Variants in FOXP2 observed in about 807,000 individuals in gnomAD.
FOXP2 encodes forkhead box P2.
Under a neutral mutation model 115.8 loss-of-function variants are expected in FOXP2, and 12 were observed. The observed-to-expected ratio is 0.10, with a 90% CI of 0.07 to 0.17. FOXP2 has a LOEUF of 0.17. Ranked by LOEUF, FOXP2 falls within the 10% of genes least tolerant of loss-of-function variation. The probability of loss-of-function intolerance (pLI) is 1.00; values close to 1 mark genes in which losing one functional copy is unlikely to be tolerated. For synonymous variants in FOXP2, 328 were observed against 297.7 expected (o/e 1.10, Z -1.05); for missense variants, 629 against 843.5 (o/e 0.75, Z 3.15).
chr7:114,609,764 C>T (rs1348868855), intron 3 of FOXP2, among the ~76,000 whole-genome samples: 1 of 152,178 alleles, frequency 6.6e-6, no homozygotes, highest in Non-Finnish European at 1.5e-5. Context: ...TTAAGTTCAC[C>T]TTCACTAAAT....
At chr7:114,328,691 T>A (rs763232109) in intron 2 of FOXP2, among the ~76,000 whole-genome samples, 16 of 152,388 alleles carry the variant, frequency 1.0e-4, no homozygotes, top group Non-Finnish European at 2.1e-4. Context: ...TAAGGGTCTC[T>A]AATCATGTCT....
In FOXP2 at chr7:114,455,676, T is replaced by C. The variant is rs552508785; in HGVS notation, c.168+28997T>C. 5.3e-5 allele frequency among the ~76,000 whole-genome samples: 8 copies of C among 152,302 alleles called. No individual in the cohort carries two copies. In the South Asian group the frequency reaches 1.7e-3, roughly 32 times the overall value. The stretch of plus-strand genomic sequence containing the variant: ...AGTCTTATAGTTAACTGTCTCCTTG[T>C]CCTTACTTTTAATACCAGCCTACTT... On this transcript the variant is annotated intron_variant, in intron 2 of 16. Coordinates refer to ENST00000350908, the MANE Select transcript of FOXP2 (RefSeq NM_014491.4).
Position 114,539,169 on chromosome 7 carries a change from G to A in FOXP2, c.258+4463G>A, listed in dbSNP as rs148971116. Among the ~76,000 whole-genome samples, 35 of 151,854 alleles carry A rather than the reference G, an allele frequency of 2.3e-4. No homozygotes were observed. The East Asian group carries it at 6.2e-3, about 27-fold the overall frequency. On this transcript the variant is annotated intron_variant, in intron 3 of 16. Transcript: ENST00000350908. ...TCAATACTGAAATTCCATATCATAT[G>A]TAAAAAATCAAGAATAAGTTATAAA...
intron 11 of FOXP2, 67 bp downstream of exon 11, chr7:114,658,334 T>G: frequency 1.4e-6 from 2 of 1,470,536 alleles, no homozygotes; most frequent in Non-Finnish European, 1.9e-6. Context: ...GAATCAACTG[T>G]ACATGAGCCA....
At position 114,221,284 on chromosome 7, in the gene FOXP2, A is replaced by G. The variant is rs1360967826; in HGVS notation, c.-102+58196A>G. 3.3e-5 allele frequency among the ~76,000 whole-genome samples: 5 copies of G among 152,036 alleles called. 1 individual carries two copies. The highest frequency in any genetic ancestry group is 6.6e-5 in the Admixed American group (1 of 15,258). ...AAACAGTTTACTTTGTGGTTTTTTT[A>G]TTTTATGACACAATTTTATTTATGA... is the stretch of plus-strand genomic sequence containing the variant. On this transcript the variant is annotated intron_variant, in intron 1 of 17. Transcript: ENST00000634411.
At chr7:114,477,587 C>T (rs1796335242) in intron 2 of FOXP2, among the ~76,000 whole-genome samples, 1 of 151,866 alleles carries the variant, frequency 6.6e-6, no homozygotes. Flanking sequence ...CAAAGCTCAA[C>T]ATCATGTAAT....
In FOXP2 at chr7:114,652,242, T is replaced by G; in HGVS notation, c.1134T>G (p.Thr378=). ...NNEHALDDRS[T]AQCRVQMQVV... is the part of the protein sequence containing the mutation. Reference sequence around the variant, plus strand: ...AACACGCATTGGATGACCGAAGCACTGCTCAGTGTCGAGTGCAAATGCAGG... The same window carrying G: ...AACACGCATTGGATGACCGAAGCACGGCTCAGTGTCGAGTGCAAATGCAGG... Residue 378 remains threonine (T), a synonymous_variant, in exon 9 of 17, where the codon ACT becomes ACG. Transcript: ENST00000350908. 1 of 1,613,072 alleles carries G rather than the reference T, an allele frequency of 6.2e-7. No individual in the cohort carries two copies. Among genetic ancestry groups the G allele is most frequent in the South Asian group, 1.1e-5 (1 of 91,064 alleles).
Position 114,629,987 on chromosome 7 carries a change from T to G in FOXP2, c.579T>G (p.Pro193=), listed in dbSNP as rs759412888. The change falls in exon 5 of 17, where the codon CCT becomes CCG. Residue 193 remains proline, a synonymous_variant. Coordinates refer to ENST00000350908, the MANE Select transcript of FOXP2 (RefSeq NM_014491.4). ...QQQQQQQQQH[P]GKQAKEQQQQ... The stretch of plus-strand genomic sequence containing the variant: ...AGCAGCAGCAGCAGCAACAGCATCC[T>G]GGAAAGCAAGCGAAAGAGGTAGGAT... The G allele has an allele frequency of 1.3e-6, 2 of 1,592,754 alleles. No homozygotes were observed. Among genetic ancestry groups the G allele is most frequent in the Non-Finnish European group, 1.7e-6 (2 of 1,173,650 alleles).
chr7:114,255,038 G>A (rs900449749), intron 1 of FOXP2, among the ~76,000 whole-genome samples: 12 of 152,114 alleles, frequency 7.9e-5, no homozygotes, highest in Admixed American at 3.3e-4. Context: ...CAGGTCTGTC[G>A]GAGTTTGCTG....
At chr7:114,675,847 AT>A (rs1255100082) in intron 16 of FOXP2, among the ~76,000 whole-genome samples, 1 of 151,890 alleles carries the variant, frequency 6.6e-6, no homozygotes, top group Non-Finnish European at 1.5e-5. Context: ...ACATAACAGT[AT>A]ATAAGAGGTA....
In FOXP2 at chr7:114,642,428, A is replaced by T. The variant is rs1438024604; in HGVS notation, c.794A>T (p.Glu265Val). 6.2e-7 allele frequency: 1 copy of T among 1,613,688 alleles called. No homozygotes were observed. Among genetic ancestry groups the T allele is most frequent in the Non-Finnish European group, 8.5e-7 (1 of 1,179,858 alleles). The change falls in exon 7 of 17, where the codon GAG (glutamate) becomes GTG (valine). Residue 265 changes from glutamate (E) to valine (V), a missense_variant. This residue lies in a region of FOXP2 where 138 missense variants were observed against 205.1 expected (regional missense o/e 0.67). Transcript: ENST00000350908. ...TTTATAGCTGGCTTAAGTCCTGCTG[A>T]GATTCAGCAGTTATGGAAAGAAGTG... Reference protein sequence around the residue: ...SLPQAGLSPAEIQQLWKEVTG... With the variant: ...SLPQAGLSPAVIQQLWKEVTG...
At chr7:114,433,906 T>C (rs1248459791) in intron 2 of FOXP2, among the ~76,000 whole-genome samples, 1 of 151,970 alleles carries the variant, frequency 6.6e-6, no homozygotes, top group Non-Finnish European at 1.5e-5. Flanking sequence ...CTAAAGCATA[T>C]GCTACTAATT....
At chr7:114,261,927 G>A (rs1181508628) in intron 1 of FOXP2, among the ~76,000 whole-genome samples, 1 of 151,820 alleles carries the variant, frequency 6.6e-6, no homozygotes, top group African/African-American at 2.4e-5. Context: ...GCGTGGTGGC[G>A]GCCACCTGTA....
At chr7:114,621,097 T>G (rs1416538403) in intron 3 of FOXP2, among the ~76,000 whole-genome samples, 2 of 151,954 alleles carry the variant, frequency 1.3e-5, no homozygotes, top group Non-Finnish European at 2.9e-5. Context: ...AAATTTGGGG[T>G]GTTAATTTTT....
Position 114,509,636 on chromosome 7 carries a change from AG to A in FOXP2, c.169-24978del, listed in dbSNP as rs373804400. 4.6e-3 allele frequency among the ~76,000 whole-genome samples: 628 copies of A among 137,944 alleles called. 8 individuals are homozygous for A. Among genetic ancestry groups the A allele is most frequent in the African/African-American group, 0.016 (595 of 36,442 alleles). 90.5% of individuals were successfully genotyped at this position (137,944 alleles called of 152,430 possible). ...AATTAGTGAATTGAAAAAGAGCAGA[AG>A]GGTACTTGTTTGTTTTGTTTTGTTT... On this transcript the variant is annotated intron_variant, in intron 2 of 16. Coordinates refer to ENST00000350908, the MANE Select transcript of FOXP2 (RefSeq NM_014491.4).
At chr7:114,340,618 T>C (rs764607821) in intron 2 of FOXP2, among the ~76,000 whole-genome samples, 8 of 151,188 alleles carry the variant, frequency 5.3e-5, no homozygotes, top group Non-Finnish European at 1.2e-4. Context: ...AATATAAGAC[T>C]TGGAGGTCCT....
intron 2 of FOXP2, among the ~76,000 whole-genome samples, chr7:114,302,480 T>G (rs1796901853): frequency 6.6e-6 from 1 of 152,172 alleles, no homozygotes; most frequent in African/African-American, 2.4e-5. Context: ...AATACTATCA[T>G]TTATTCCATT....
chr7:114,520,543 C>G (rs1001161557), intron 2 of FOXP2, among the ~76,000 whole-genome samples: 1 of 151,812 alleles, frequency 6.6e-6, no homozygotes, highest in Non-Finnish European at 1.5e-5. Flanking sequence ...ATTTGATAGA[C>G]TTAATAAAGG....
chr7:114,232,914 G>A (rs1475152899), intron 1 of FOXP2, among the ~76,000 whole-genome samples: 2 of 152,040 alleles, frequency 1.3e-5, no homozygotes, highest in African/African-American at 2.4e-5. Context: ...TAAATAAATC[G>A]GAGAAGGACA....
Sources: gnomAD v4.1 joint callset for allele counts (sites outside exome capture counted in the v4.1 genomes callset) on GRCh38, gnomAD v4.1.1 for gene constraint, gnomAD v4.1.1 regional missense constraint, MANE v1.5 for transcripts, NCBI Gene and HGNC (gene_info 2026-07-23, HGNC 2026-07-21) for gene names.